Variants in BCKDK observed in about 807,000 individuals in gnomAD.
The protein encoded by BCKDK is branched chain keto acid dehydrogenase kinase, also known as branched-chain alpha-ketoacid dehydrogenase kinase.
BCKDK carries 28 observed loss-of-function variants against 43.9 expected under a neutral mutation model. That is an observed-to-expected ratio of 0.64 (90% CI 0.47 to 0.87). BCKDK has a LOEUF of 0.87. Ranked by LOEUF, BCKDK falls within the 40% of genes least tolerant of loss-of-function variation. The pLI is 0.00. For synonymous variants in BCKDK, 257 were observed against 234.3 expected (o/e 1.10, Z -0.88); for missense variants, 483 against 581.4 (o/e 0.83, Z 1.74).
downstream of BCKDK, among the ~76,000 whole-genome samples, chr16:31,113,475 A>G (rs1387416491): frequency 6.6e-6 from 1 of 152,176 alleles, no homozygotes; most frequent in Non-Finnish European, 1.5e-5. Flanking sequence ...ATAGGGATCC[A>G]TGGGTGAGTT....
downstream of BCKDK, among the ~76,000 whole-genome samples, chr16:31,113,660 T>A (rs960664516): frequency 2.6e-5 from 4 of 152,068 alleles, no homozygotes; most frequent in Admixed American, 2.0e-4. Flanking sequence ...AAACAGGGTT[T>A]CTACAAAGCC....
intron 10 of BCKDK, 98 bp from the exon 11 acceptor site, chr16:31,111,771 G>A (rs756006124): frequency 8.7e-6 from 13 of 1,497,986 alleles, no homozygotes; most frequent in Admixed American, 1.8e-5. Flanking sequence ...AGCTCTGGGT[G>A]GAAGGAACAG....
rs2057386324 is a variant in BCKDK, at chr16:31,109,026, T to G, written c.-177-21T>G. 3.9e-6 allele frequency: 2 copies of G among 506,614 alleles called. No homozygotes were observed. The highest frequency in any genetic ancestry group is 3.7e-5 in the Admixed American group (1 of 26,838). The allele number at this position is 506,614 out of a possible 1,614,324, so 31.4% of individuals were successfully genotyped here. On this transcript the variant is annotated intron_variant, in intron 1 of 11. Transcript: ENST00000219794. This position sits in a 1 kb window ranked among gnomAD's most constrained non-coding sequence, Gnocchi z 5.3. ...TCTGTGGATTCGGATCCTTACAACT[T>G]CCTCTTCCCCGCCCCGGTAGATGGG...
chr16:31,114,883 A>ATTTCC (rs201123685), downstream of BCKDK, among the ~76,000 whole-genome samples: 1,897 of 151,988 alleles, frequency 0.012, 47 homozygotes, highest in African/African-American at 0.043. Flanking sequence ...TCCTTACAAT[A>ATTTCC]TTTCCTTTCC....
Position 31,112,394 on chromosome 16 carries a change from G to A in BCKDK, c.*129G>A. ...TTGGGTCTCAGGGACCCAGACAGATGGACTTACATGGAGCTGGGCACTGCC... is the reference window on the plus strand; with the variant it reads ...TTGGGTCTCAGGGACCCAGACAGATAGACTTACATGGAGCTGGGCACTGCC... On this transcript the variant is annotated 3_prime_UTR_variant, in exon 12 of 12. Transcript: ENST00000219794. The surrounding 1 kb of genome is among the most constrained non-coding windows in gnomAD (Gnocchi z 5.0). 2 of 1,413,110 alleles carry A rather than the reference G, an allele frequency of 1.4e-6. No individual in the cohort carries two copies. The highest frequency in any genetic ancestry group is 1.9e-6 in the Non-Finnish European group (2 of 1,027,112). 87.5% of individuals were successfully genotyped at this position (1,413,110 alleles called of 1,614,324 possible).
At position 31,110,618 on chromosome 16, in the gene BCKDK, T is replaced by A; in HGVS notation, c.643-70T>A. ...CTGTGGGGCTGGTGCTTTGGGGCAG[T>A]TCCGAAGTTGCCAGCATCTTGGGGT... On this transcript the variant is annotated intron_variant, in intron 7 of 11. Coordinates refer to ENST00000219794, the MANE Select transcript of BCKDK (RefSeq NM_005881.4). The surrounding 1 kb of genome is among the most constrained non-coding windows in gnomAD (Gnocchi z 5.4). 4 of 1,593,538 alleles carry A rather than the reference T, an allele frequency of 2.5e-6. No homozygotes were observed. Among genetic ancestry groups the A allele is most frequent in the Non-Finnish European group, 2.6e-6 (3 of 1,161,726 alleles).
Position 31,111,074 on chromosome 16 carries a change from C to T in BCKDK, c.717-17C>T, listed in dbSNP as rs1167116198. 1 of 1,613,380 alleles carries T rather than the reference C, an allele frequency of 6.2e-7. No homozygotes were observed. The highest frequency in any genetic ancestry group is 8.5e-7 in the Non-Finnish European group (1 of 1,179,790). ...TGGTGGAGGGGCCCCTGACTGAACC[C>T]TCGCTCCTATCCGCAGACGCCTGTG... On this transcript the variant is annotated splice_polypyrimidine_tract_variant and intron_variant, in intron 8 of 11. Transcript: ENST00000219794.
Position 31,110,387 on chromosome 16 carries a change from C to T in BCKDK, c.544-14C>T, listed in dbSNP as rs1272251398. ...TGGGAAGGGCACGGGATTCTGAGAC[C>T]TCACTCTTTACAGGATGAAAAGCTC... is the stretch of plus-strand genomic sequence containing the variant. On this transcript the variant is annotated splice_polypyrimidine_tract_variant and intron_variant, in intron 6 of 11. Transcript: ENST00000219794. The surrounding 1 kb of genome is among the most constrained non-coding windows in gnomAD (Gnocchi z 5.4). 6.2e-7 allele frequency: 1 copy of T among 1,614,038 alleles called. No individual in the cohort carries two copies. The highest frequency in any genetic ancestry group is 1.3e-5 in the African/African-American group (1 of 75,032).
In BCKDK at chr16:31,110,373, C is replaced by T. The variant is rs144100726; in HGVS notation, c.544-28C>T. ...GGGCCTGCTGGGGGTGGGAAGGGCA[C>T]GGGATTCTGAGACCTCACTCTTTAC... is the stretch of plus-strand genomic sequence containing the variant. On this transcript the variant is annotated intron_variant, in intron 6 of 11. Transcript: ENST00000219794. The surrounding 1 kb of genome is among the most constrained non-coding windows in gnomAD (Gnocchi z 5.4). 3.8e-4 allele frequency: 611 copies of T among 1,613,956 alleles called. 2 individuals are homozygous for T. In the African/African-American group the frequency reaches 6.8e-3, roughly 18 times the overall value.
chr16:31,109,140 C>T lies in BCKDK; in HGVS notation c.-84C>T. On this transcript the variant is annotated 5_prime_UTR_variant, in exon 2 of 12. Coordinates refer to ENST00000219794, the MANE Select transcript of BCKDK (RefSeq NM_005881.4). This position sits in a 1 kb window ranked among gnomAD's most constrained non-coding sequence, Gnocchi z 5.3. ...AAGAGCCCCTACCCACCCACACCCCCTTGCCCCATTTTGGGTCGCCTGGGT... is the reference window on the plus strand; with the variant it reads ...AAGAGCCCCTACCCACCCACACCCCTTTGCCCCATTTTGGGTCGCCTGGGT... 7.7e-7 allele frequency: 1 copy of T among 1,304,700 alleles called. No homozygotes were observed. Among genetic ancestry groups the T allele is most frequent in the Non-Finnish European group, 1.0e-6 (1 of 990,706 alleles). 80.8% of individuals were successfully genotyped at this position (1,304,700 alleles called of 1,614,324 possible).
downstream of BCKDK, among the ~76,000 whole-genome samples, chr16:31,114,186 TTTTTGTTTG>T (rs1184335577): frequency 6.6e-6 from 1 of 151,874 alleles, no homozygotes; most frequent in Non-Finnish European, 1.5e-5. Flanking sequence ...CTACATTGTT[TTTTTGTTTG>T]TTTTGTTTCG....
Position 31,112,610 on chromosome 16 carries a change from C to T in BCKDK, c.*345C>T. On this transcript the variant is annotated 3_prime_UTR_variant, in exon 12 of 12. Transcript: ENST00000219794. The surrounding 1 kb of genome is among the most constrained non-coding windows in gnomAD (Gnocchi z 5.0). ...GGGGAGGGCAGGTGAACTTTTGTTT[C>T]TGCCCCCATTCAGGTTCACTGAGCC... 2.4e-6 allele frequency: 1 copy of T among 416,678 alleles called. No homozygotes were observed. The allele number at this position is 416,678 out of a possible 1,614,324, so 25.8% of individuals were successfully genotyped here.
At position 31,112,283 on chromosome 16, in the gene BCKDK, T is replaced by C; in HGVS notation, c.*18T>C. The C allele has an allele frequency of 6.2e-7, 1 of 1,605,544 alleles. No homozygotes were observed. On this transcript the variant is annotated 3_prime_UTR_variant, in exon 12 of 12. Transcript: ENST00000219794. This position sits in a 1 kb window ranked among gnomAD's most constrained non-coding sequence, Gnocchi z 5.0. ...GGATCTGACCCCACAGCCTTTGGCCTGCTCACCCGACCAGCCTGGGCCGCA... is the reference window on the plus strand; with the variant it reads ...GGATCTGACCCCACAGCCTTTGGCCCGCTCACCCGACCAGCCTGGGCCGCA...
Position 31,111,283 on chromosome 16 carries a change from C to T in BCKDK, c.846-17C>T, listed in dbSNP as rs773716638. The T allele has an allele frequency of 1.2e-6, 2 of 1,614,166 alleles. No homozygotes were observed. Among genetic ancestry groups the T allele is most frequent in the South Asian group, 2.2e-5 (2 of 91,080 alleles). ...AACCGGGGTGCTTGTACCTACTGGT[C>T]TTTCCCCTCTGCATAGAGCCACAAT... On this transcript the variant is annotated splice_polypyrimidine_tract_variant and intron_variant, in intron 9 of 11. Coordinates refer to ENST00000219794, the MANE Select transcript of BCKDK (RefSeq NM_005881.4).
chr16:31,110,548 A>G lies in BCKDK; in HGVS notation c.642+49A>G. The stretch of plus-strand genomic sequence containing the variant: ...CACCTGGGAACATTAAGTGAGACAG[A>G]GGAGACTGGGCTGGGGATCCGGGTC... On this transcript the variant is annotated intron_variant, in intron 7 of 11. Transcript: ENST00000219794. The surrounding 1 kb of genome is among the most constrained non-coding windows in gnomAD (Gnocchi z 5.4). 1 of 1,604,912 alleles carries G rather than the reference A, an allele frequency of 6.2e-7. No homozygotes were observed.
rs2057423611 is a variant in BCKDK at position 31,112,595 on chromosome 16, G to A, written c.*330G>A. The A allele has an allele frequency of 6.9e-6, 3 of 436,800 alleles. No individual in the cohort carries two copies. The highest frequency in any genetic ancestry group is 1.3e-5 in the Non-Finnish European group (3 of 232,914). The allele number at this position is 436,800 out of a possible 1,614,324, so 27.1% of individuals were successfully genotyped here. ...TCGGGCCCCGTGTGTGGGGAGGGCA[G>A]GTGAACTTTTGTTTCTGCCCCCATT... On this transcript the variant is annotated 3_prime_UTR_variant, in exon 12 of 12. Transcript: ENST00000219794. This position sits in a 1 kb window ranked among gnomAD's most constrained non-coding sequence, Gnocchi z 5.0.
At chr16:31,116,746 C>T (rs1199581934), downstream of BCKDK, among the ~76,000 whole-genome samples, 3 of 115,428 alleles carry the variant, frequency 2.6e-5, no homozygotes, top group African/African-American at 9.3e-5. Flanking sequence ...GTGAAGCCCT[C>T]TCTCTACTAA....
In BCKDK at chr16:31,109,299, G is replaced by C; in HGVS notation, c.76G>C (p.Ala26Pro). The part of the protein sequence containing the change: ...PLRPLLGPAL[A>P]LRARSTSATD... ...CCGGCCCCTCCTGGGACCCGCACTCGCGCTCCGGGCCCGCTCGACGTCGGC... is the reference window on the plus strand; with the variant it reads ...CCGGCCCCTCCTGGGACCCGCACTCCCGCTCCGGGCCCGCTCGACGTCGGC... Residue 26 changes from alanine to proline, a missense_variant, in exon 2 of 12, where the codon GCG becomes CCG. Physicochemically the swap from Ala to Pro is conservative, Grantham distance 27. Coordinates refer to ENST00000219794, the MANE Select transcript of BCKDK (RefSeq NM_005881.4). This position sits in a 1 kb window ranked among gnomAD's most constrained non-coding sequence, Gnocchi z 5.3. 9.3e-6 allele frequency: 15 copies of C among 1,604,968 alleles called. No homozygotes were observed. Among genetic ancestry groups the C allele is most frequent in the Non-Finnish European group, 1.1e-5 (13 of 1,175,768 alleles).
At chr16:31,113,045 A>G (rs939437539), downstream of BCKDK, among the ~76,000 whole-genome samples, 1 of 152,238 alleles carries the variant, frequency 6.6e-6, no homozygotes, top group Non-Finnish European at 1.5e-5. Flanking sequence ...CTGCAAGGAA[A>G]GGTGGGGCCC....
Sources: allele counts gnomAD v4.1 joint callset (sites outside exome capture counted in the v4.1 genomes callset), GRCh38; gene constraint gnomAD v4.1.1; non-coding constraint Gnocchi (gnomAD v3.1); transcripts MANE v1.5; gene names NCBI Gene and HGNC (gene_info 2026-07-23, HGNC 2026-07-21).